Variants in COL6A3 observed in about 807,000 individuals in gnomAD.
The protein encoded by COL6A3 is collagen type VI alpha 3 chain, also known as collagen alpha-3(VI) chain.
A neutral mutation model predicts 274.1 loss-of-function variants in COL6A3; 137 were observed. That is an observed-to-expected ratio of 0.50 (90% CI 0.44 to 0.58). The LOEUF (loss-of-function observed/expected upper bound fraction) is 0.58, where lower values mean the gene tolerates loss of function less well. COL6A3 is among the 20% of genes least tolerant of loss of function. COL6A3 has a pLI of 0.00. For missense variants in COL6A3, 3,950 were observed against 4,124.9 expected (o/e 0.96, Z 1.16); for synonymous variants, 1,650 against 1,650.6 (o/e 1.00, Z 0.01).
chr2:237,366,753 CTT>C lies in COL6A3; in HGVS notation c.5432_5433del (p.Gln1811ArgfsTer7). On this transcript the variant is annotated frameshift_variant, in exon 11 of 44. Transcript: ENST00000295550. LOFTEE classifies it high-confidence loss of function. ...NVQELSELSE[Q>X]VLETLHDAMH... ...ATCGCATCATGCAAAGTTTCCAAAA[CTT>C]GCTCGCTCAGTTCGGACAGCTCCTG... 1.2e-6 allele frequency: 2 copies of C among 1,614,294 alleles called. No homozygotes were observed.
chr2:237,358,911 G>A, intron 20 of COL6A3, 124 bp downstream of exon 20: 1 of 994,776 alleles, frequency 1.0e-6, no homozygotes, highest in Non-Finnish European at 1.6e-6. Flanking sequence ...GCACTCACAG[G>A]GGAGGTCAGG....
At chr2:237,335,572 A>G (rs1336028122) in intron 40 of COL6A3, among the ~76,000 whole-genome samples, 2 of 152,218 alleles carry the variant, frequency 1.3e-5, no homozygotes, top group African/African-American at 4.8e-5. Flanking sequence ...CCAGGCTCTG[A>G]CTTTTCAAGC....
rs886055804 is a variant in COL6A3 at position 237,342,139 on chromosome 2, T to A, written c.7691A>T (p.His2564Leu). 14 of 1,614,116 alleles carry A rather than the reference T, an allele frequency of 8.7e-6. No homozygotes were observed. Among genetic ancestry groups the A allele is most frequent in the Non-Finnish European group, 1.2e-5 (14 of 1,180,042 alleles). The part of the protein sequence containing the change: ...ALQINNTAVG[H>L]ALVLPAGRDL... Reference sequence around the variant, plus strand: ...TCTCCCTGCAGGCAGGACAAGCGCATGCCCCACTGCTGTGTTATTGATCTG... The same window carrying A: ...TCTCCCTGCAGGCAGGACAAGCGCAAGCCCCACTGCTGTGTTATTGATCTG... Residue 2564 changes from histidine (H) to leucine (L), a missense_variant, in exon 37 of 44, where the codon CAT becomes CTT. By Grantham distance (99) the His-to-Leu change is moderately conservative. Coordinates refer to ENST00000295550, the MANE Select transcript of COL6A3 (RefSeq NM_004369.4).
chr2:237,373,729 G>T (rs1408603556), intron 8 of COL6A3, among the ~76,000 whole-genome samples: 1 of 152,170 alleles, frequency 6.6e-6, no homozygotes, highest in Non-Finnish European at 1.5e-5. Context: ...TGACCCGGGA[G>T]AGTGGCCCTT....
intron 3 of COL6A3, among the ~76,000 whole-genome samples, chr2:237,389,420 C>T (rs1002388132): frequency 6.6e-6 from 1 of 152,186 alleles, no homozygotes; most frequent in East Asian, 1.9e-4. Context: ...GAAAACTACA[C>T]TCAGGGTATC....
Position 237,368,855 on chromosome 2 carries a change from T to A in COL6A3, c.4608A>T (p.Ile1536=), listed in dbSNP as rs755925219. The part of the protein sequence containing the change: ...NLFVKSAGSR[I]EDGVPQHLVL... Reference sequence around the variant, plus strand: ...CCAGGTGTTGGGGCACCCCGTCTTCTATGCGACTCCCCGCAGACTTAACAA... The same window carrying A: ...CCAGGTGTTGGGGCACCCCGTCTTCAATGCGACTCCCCGCAGACTTAACAA... The change falls in exon 10 of 44, where the codon ATA becomes ATT. Residue 1536 remains isoleucine, a synonymous_variant. Coordinates refer to ENST00000295550, the MANE Select transcript of COL6A3 (RefSeq NM_004369.4). This position sits in a 1 kb window ranked among gnomAD's most constrained non-coding sequence, Gnocchi z 4.4. The A allele has an allele frequency of 6.2e-7, 1 of 1,614,220 alleles. No individual in the cohort carries two copies. Among genetic ancestry groups the A allele is most frequent in the South Asian group, 1.1e-5 (1 of 91,078 alleles).
chr2:237,377,250 A>C lies in COL6A3; in HGVS notation c.2592T>G (p.Asp864Glu), dbSNP rs780622174. ...TCCCCTCTGGCTTCACATTGAGCTC[A>C]TCGATAATCTTGTAGAGAAAGTCAC... ...VVRDFLYKII[D>E]ELNVKPEGTR... The change falls in exon 7 of 44, where the codon GAT (aspartate) becomes GAG (glutamate). Residue 864 changes from aspartate (D) to glutamate (E), a missense_variant. By Grantham distance (45) the Asp-to-Glu change is conservative. Coordinates refer to ENST00000295550, the MANE Select transcript of COL6A3 (RefSeq NM_004369.4). The C allele has an allele frequency of 6.2e-7, 1 of 1,611,348 alleles. No homozygotes were observed. Among genetic ancestry groups the C allele is most frequent in the South Asian group, 1.1e-5 (1 of 91,078 alleles).
At chr2:237,339,797 G>A (rs555369659) in intron 38 of COL6A3, among the ~76,000 whole-genome samples, 21 of 152,282 alleles carry the variant, frequency 1.4e-4, no homozygotes, top group African/African-American at 4.1e-4. Context: ...CAGTCTAGGG[G>A]ACCACAGACC....
chr2:237,413,304 C>T lies in COL6A3; in HGVS notation c.-31+649G>A, dbSNP rs2106412143. On this transcript the variant is annotated intron_variant, in intron 1 of 43. Coordinates refer to ENST00000295550, the MANE Select transcript of COL6A3 (RefSeq NM_004369.4). This position sits in a 1 kb window ranked among gnomAD's most constrained non-coding sequence, Gnocchi z 4.0. The stretch of plus-strand genomic sequence containing the variant: ...GACCCCTGCAACTCCTTTAAGCAAC[C>T]CCAAGGGACAAAGTCTCCAATAGAG... Among the ~76,000 whole-genome samples the T allele has an allele frequency of 6.6e-6, 1 of 152,338 alleles. No individual in the cohort carries two copies. The highest frequency in any genetic ancestry group is 2.4e-5 in the African/African-American group (1 of 41,578).
intron 3 of COL6A3, among the ~76,000 whole-genome samples, chr2:237,392,761 C>A (rs1375454867): frequency 1.3e-5 from 2 of 152,254 alleles, no homozygotes; most frequent in Admixed American, 6.5e-5. Context: ...GTTCACACTG[C>A]AGACTCTGTG....
intron 23 of COL6A3, chr2:237,356,964 A>C (rs1465926862): frequency 3.4e-6 from 1 of 298,292 alleles, no homozygotes; most frequent in Non-Finnish European, 6.2e-6. Context: ...AATTACAAAA[A>C]CAACAAATCC....
At chr2:237,349,176 T>A (rs2077155740) in intron 28 of COL6A3, among the ~76,000 whole-genome samples, 1 of 148,658 alleles carries the variant, frequency 6.7e-6, no homozygotes, top group Non-Finnish European at 1.5e-5. Context: ...CATGCTCAGA[T>A]CTGTTCCTGT....
At chr2:237,382,475 A>G (rs2078033174) in intron 4 of COL6A3, among the ~76,000 whole-genome samples, 2 of 152,258 alleles carry the variant, frequency 1.3e-5, no homozygotes, top group South Asian at 4.1e-4. Context: ...CATCTCAATA[A>G]GATAACTGTC....
rs756223167 is a variant in COL6A3 at position 237,324,746 on chromosome 2, A to G, written c.*28T>C. 1.2e-6 allele frequency: 2 copies of G among 1,612,500 alleles called. No individual in the cohort carries two copies. The highest frequency in any genetic ancestry group is 1.3e-5 in the African/African-American group (1 of 74,862). On this transcript the variant is annotated 3_prime_UTR_variant, in exon 44 of 44. Coordinates refer to ENST00000295550, the MANE Select transcript of COL6A3 (RefSeq NM_004369.4). Reference sequence around the variant, plus strand: ...GCGATGGCTGACTCCTTCTTCTTCAAGAGGTATATGATGTTGGCCACCCAC... The same window carrying G: ...GCGATGGCTGACTCCTTCTTCTTCAGGAGGTATATGATGTTGGCCACCCAC...
chr2:237,379,266 C>T (rs1211829958), intron 5 of COL6A3, 31 bp from the exon 6 acceptor site: 3 of 1,613,826 alleles, frequency 1.9e-6, no homozygotes, highest in Non-Finnish European at 2.5e-6. Flanking sequence ...AAAAGTGAGA[C>T]ATACACAACC....
At chr2:237,360,238 G>A (rs972430115) in intron 16 of COL6A3, 79 bp from the exon 17 acceptor site, 17 of 1,384,362 alleles carry the variant, frequency 1.2e-5, no homozygotes, top group South Asian at 3.6e-5. Flanking sequence ...GCAGCGTAAA[G>A]GGTACTGTGA....
chr2:237,375,607 A>G (rs1374427117), intron 7 of COL6A3, among the ~76,000 whole-genome samples: 1 of 152,142 alleles, frequency 6.6e-6, no homozygotes, highest in African/African-American at 2.4e-5. Flanking sequence ...CAGTGGCGCA[A>G]TCTCAGCTCA....
In COL6A3 at chr2:237,377,009, C is replaced by G. The variant is rs2077863498; in HGVS notation, c.2833G>C (p.Val945Leu). 1 of 1,614,074 alleles carries G rather than the reference C, an allele frequency of 6.2e-7. No individual in the cohort carries two copies. The highest frequency in any genetic ancestry group is 1.3e-5 in the African/African-American group (1 of 74,922). Residue 945 changes from valine to leucine, a missense_variant, in exon 7 of 44, where the codon GTG (valine) becomes CTG (leucine). By Grantham distance (32) the Val-to-Leu change is conservative (BLOSUM62 1). Transcript: ENST00000295550. The stretch of plus-strand genomic sequence containing the variant: ...GATGACCTTCCTGCGACCAGCAGCA[C>G]CAGGAACTGAAGCACTCCATCCTCG... ...RIEDGVLQFL[V>L]LLVAGRSSDR... is the part of the protein sequence containing the mutation.
Position 237,381,017 on chromosome 2 carries a change from A to G in COL6A3, c.1795T>C (p.Ser599Pro), listed in dbSNP as rs759009773. The change falls in exon 5 of 44, where the codon TCC (serine) becomes CCC (proline). Residue 599 changes from serine to proline, a missense_variant. Around this residue, in one of 5 missense-constraint regions of COL6A3, gnomAD observed 1,934 missense variants for 1,984.3 expected, o/e 0.97. Coordinates refer to ENST00000295550, the MANE Select transcript of COL6A3 (RefSeq NM_004369.4). ...TCAGCTGGGATGAACACCAGGGAGG[A>G]GTCGAAAGCGATCTCTTCCAGCTCA... ...QAELEEIAFD[S>P]SLVFIPAEFR... The G allele has an allele frequency of 9.3e-6, 15 of 1,614,164 alleles. No individual in the cohort carries two copies. The highest frequency in any genetic ancestry group is 1.3e-5 in the Non-Finnish European group (15 of 1,180,028).
Sources: allele counts gnomAD v4.1 joint callset (sites outside exome capture counted in the v4.1 genomes callset), GRCh38; gene constraint gnomAD v4.1.1; regional missense constraint gnomAD v4.1.1; non-coding constraint Gnocchi (gnomAD v3.1); transcripts MANE v1.5; gene names NCBI Gene and HGNC (gene_info 2026-07-23, HGNC 2026-07-21).